Variants in NPSR1 observed in about 807,000 individuals in gnomAD.
NPSR1 encodes neuropeptide S receptor 1, also known as neuropeptide S receptor.
A neutral mutation model predicts 46.9 loss-of-function variants in NPSR1; 48 were observed. The ratio of observed to expected loss-of-function variants is 1.02; its 90% CI spans 0.81 to 1.30. The LOEUF is 1.30. Among genes scored for constraint, NPSR1 ranks in the 50% most tolerant of loss-of-function variants. The pLI is 0.00. For missense variants in NPSR1, 450 were observed against 449.5 expected (o/e 1.00, Z -0.01); for synonymous variants, 176 against 168.1 (o/e 1.05, Z -0.36).
chr7:34,723,932 A>G (rs1234842361), intron 2 of NPSR1, among the ~76,000 whole-genome samples: 1 of 152,264 alleles, frequency 6.6e-6, no homozygotes, highest in Non-Finnish European at 1.5e-5. Context: ...TAACAATCAC[A>G]TGAAGAAGCT....
intron 2 of NPSR1, among the ~76,000 whole-genome samples, chr7:34,716,272 CAT>C (rs951000051): frequency 6.6e-6 from 1 of 152,130 alleles, no homozygotes; most frequent in African/African-American, 2.4e-5. Flanking sequence ...AATGGACAGA[CAT>C]ATAATTACTA....
intron 2 of NPSR1, among the ~76,000 whole-genome samples, chr7:34,761,966 T>C (rs1484438843): frequency 6.6e-6 from 1 of 151,866 alleles, no homozygotes; most frequent in African/African-American, 2.4e-5. Flanking sequence ...AGCACAGGAG[T>C]TTTTTGTGGC....
chr7:34,867,823 G>A (rs901943611), intron 8 of NPSR1, among the ~76,000 whole-genome samples: 1 of 151,790 alleles, frequency 6.6e-6, no homozygotes, highest in East Asian at 1.9e-4. Flanking sequence ...AAATAGTTTG[G>A]CACTCAGTTC....
chr7:34,831,216 A>G (rs1230022418), intron 5 of NPSR1, among the ~76,000 whole-genome samples: 1 of 152,146 alleles, frequency 6.6e-6, no homozygotes, highest in Non-Finnish European at 1.5e-5. Flanking sequence ...TTGAATGAAT[A>G]ACGCAATAAA....
intron 2 of NPSR1, among the ~76,000 whole-genome samples, chr7:34,735,026 G>A (rs1784603489): frequency 6.6e-6 from 1 of 152,208 alleles, no homozygotes; most frequent in Non-Finnish European, 1.5e-5. Flanking sequence ...TATGGCCATG[G>A]ATGGACTACT....
At chr7:34,674,316 AC>A (rs1792205008) in intron 1 of NPSR1, among the ~76,000 whole-genome samples, 1 of 152,168 alleles carries the variant, frequency 6.6e-6, no homozygotes, top group Non-Finnish European at 1.5e-5. Context: ...GGAACACAGA[AC>A]TTTGCTATCT....
At chr7:34,663,753 AATTT>A (rs1322423022) in intron 1 of NPSR1, among the ~76,000 whole-genome samples, 1 of 152,138 alleles carries the variant, frequency 6.6e-6, no homozygotes, top group Non-Finnish European at 1.5e-5. Flanking sequence ...TGTTCTTCCG[AATTT>A]ATTATTCCAG....
At chr7:34,787,069 T>C (rs765055401) in intron 3 of NPSR1, among the ~76,000 whole-genome samples, 1 of 152,150 alleles carries the variant, frequency 6.6e-6, no homozygotes, top group African/African-American at 2.4e-5. Context: ...TCTCTAGCTA[T>C]AGAAGCGCTA....
intron 3 of NPSR1, among the ~76,000 whole-genome samples, chr7:34,793,201 A>C (rs1788020937): frequency 6.6e-6 from 1 of 152,004 alleles, no homozygotes; most frequent in Admixed American, 6.6e-5. Context: ...AAAAGTATAC[A>C]AATGGGATTG....
intron 3 of NPSR1, among the ~76,000 whole-genome samples, chr7:34,795,717 T>C (rs1788142222): frequency 6.6e-6 from 1 of 152,142 alleles, no homozygotes; most frequent in Admixed American, 6.6e-5. Context: ...GCAAGATCTA[T>C]ACAAGGAAAA....
intron 4 of NPSR1, among the ~76,000 whole-genome samples, chr7:34,820,493 G>T (rs1286627954): frequency 6.6e-6 from 1 of 151,934 alleles, no homozygotes; most frequent in South Asian, 2.1e-4. Context: ...TCGTGACATA[G>T]GTATGCAAAA....
chr7:34,829,457 G>T (rs186893076), intron 5 of NPSR1, among the ~76,000 whole-genome samples: 1 of 152,348 alleles, frequency 6.6e-6, no homozygotes, highest in Non-Finnish European at 1.5e-5. Flanking sequence ...CATGGCAGAG[G>T]AGACAGGCAA....
chr7:34,827,643 CG>C (rs1554336796), intron 5 of NPSR1, 41 bp downstream of exon 5: 63 of 405,714 alleles, frequency 1.6e-4, no homozygotes, highest in South Asian at 1.1e-3. Context: ...GGGGGTGGGG[CG>C]GGGGGGGCTT....
intron 8 of NPSR1, among the ~76,000 whole-genome samples, chr7:34,856,511 A>G (rs10258734): frequency 0.18 from 27,539 of 151,572 alleles, 2,924 homozygotes; most frequent in Non-Finnish European, 0.24. Flanking sequence ...ATTGGCCAAT[A>G]CTTCAATGGG....
At chr7:34,874,588 C>T (rs1250367468) in intron 8 of NPSR1, among the ~76,000 whole-genome samples, 1 of 152,134 alleles carries the variant, frequency 6.6e-6, no homozygotes, top group East Asian at 1.9e-4. Context: ...CTCAGTTAAA[C>T]CGTGAGACCA....
At chr7:34,724,700 G>A (rs983116335) in intron 2 of NPSR1, among the ~76,000 whole-genome samples, 3 of 152,080 alleles carry the variant, frequency 2.0e-5, no homozygotes, top group Admixed American at 6.5e-5. Context: ...CTAATGAGCT[G>A]GGTGAACTTG....
chr7:34,724,839 T>C (rs1419240076), intron 2 of NPSR1, among the ~76,000 whole-genome samples: 1 of 152,106 alleles, frequency 6.6e-6, no homozygotes, highest in Non-Finnish European at 1.5e-5. Context: ...ATAACTACCA[T>C]CATTATATTA....
chr7:34,830,177 T>G (rs903543148), intron 5 of NPSR1, among the ~76,000 whole-genome samples: 1 of 152,258 alleles, frequency 6.6e-6, no homozygotes, highest in Non-Finnish European at 1.5e-5. Flanking sequence ...GGTTCAACTC[T>G]TATTCTGTCT....
At chr7:34,733,846 G>C (rs1482620487) in intron 2 of NPSR1, among the ~76,000 whole-genome samples, 3 of 152,196 alleles carry the variant, frequency 2.0e-5, no homozygotes, top group African/African-American at 4.8e-5. Flanking sequence ...TTTCACAACT[G>C]TCTTGAGATA....
Sources: gnomAD v4.1 joint callset for allele counts (sites outside exome capture counted in the v4.1 genomes callset) on GRCh38, gnomAD v4.1.1 for gene constraint, MANE v1.5 for transcripts, NCBI Gene and HGNC (gene_info 2026-07-23, HGNC 2026-07-21) for gene names.